DCC: variants seen among roughly 807,000 people sequenced by gnomAD.
DCC encodes DCC netrin 1 receptor, also known as netrin receptor DCC.
DCC carries 58 observed loss-of-function variants against 172.5 expected under a neutral mutation model. That is an observed-to-expected ratio of 0.34 (90% CI 0.27 to 0.42). The LOEUF (loss-of-function observed/expected upper bound fraction) is 0.42, where lower values mean the gene tolerates loss of function less well. DCC is among the 10% of genes least tolerant of loss of function. DCC has a pLI of 1.00. For missense variants in DCC, 1,740 were observed against 1,791.0 expected (o/e 0.97, Z 0.51); for synonymous variants, 709 against 644.5 (o/e 1.10, Z -1.52).
intron 1 of DCC, among the ~76,000 whole-genome samples, chr18:52,403,392 G>A (rs1986514158): frequency 6.6e-6 from 1 of 151,962 alleles, no homozygotes; most frequent in Admixed American, 6.6e-5. Context: ...CACTGCCCCT[G>A]TCATTCAGAA....
At chr18:52,963,092 A>G (rs1237461990) in intron 5 of DCC, among the ~76,000 whole-genome samples, 3 of 148,008 alleles carry the variant, frequency 2.0e-5, no homozygotes, top group Non-Finnish European at 4.4e-5. Flanking sequence ...CCTAAAACTT[A>G]AATTATAATT....
At chr18:52,480,773 T>C (rs1463889359) in intron 1 of DCC, among the ~76,000 whole-genome samples, 1 of 152,192 alleles carries the variant, frequency 6.6e-6, no homozygotes, top group African/African-American at 2.4e-5. Context: ...AATAATTTAA[T>C]CTTATTTGGA....
rs147591316 is a variant in DCC at position 52,711,059 on chromosome 18, C to A, written c.92-40995C>A. 2.2e-3 allele frequency among the ~76,000 whole-genome samples: 328 copies of A among 152,214 alleles called. 3 individuals carry two copies. The East Asian group carries it at 0.029, about 13-fold the overall frequency. On this transcript the variant is annotated intron_variant, in intron 1 of 28. Coordinates refer to ENST00000442544, the MANE Select transcript of DCC (RefSeq NM_005215.4). Reference sequence around the variant, plus strand: ...TATCCGGCTGATGAGCACATGAAAGCCAAAGAGTTGATTGTATGACTATCT... The same window carrying A: ...TATCCGGCTGATGAGCACATGAAAGACAAAGAGTTGATTGTATGACTATCT...
At chr18:52,709,755 G>A (rs893097273) in intron 1 of DCC, among the ~76,000 whole-genome samples, 2 of 152,162 alleles carry the variant, frequency 1.3e-5, no homozygotes, top group Admixed American at 6.6e-5. Flanking sequence ...TTTAAAAATG[G>A]ACTTCGAAAC....
chr18:53,459,146 T>C (rs1599173109), intron 23 of DCC, 86 bp from the exon 24 acceptor site: 1 of 1,122,130 alleles, frequency 8.9e-7, no homozygotes, highest in Non-Finnish European at 1.3e-6. Context: ...TTTCCTTTCC[T>C]GCTTCTAACT....
chr18:52,686,268 T>C (rs1464467262), intron 1 of DCC, among the ~76,000 whole-genome samples: 1 of 152,176 alleles, frequency 6.6e-6, no homozygotes, highest in Non-Finnish European at 1.5e-5. Context: ...CCACATATCA[T>C]TGTGGCTACA....
chr18:52,689,542 C>G (rs1442749464), intron 1 of DCC, among the ~76,000 whole-genome samples: 3 of 151,974 alleles, frequency 2.0e-5, no homozygotes, highest in African/African-American at 7.3e-5. Context: ...GGCTAGGGAC[C>G]CTATGCTTCT....
intron 18 of DCC, among the ~76,000 whole-genome samples, chr18:53,402,401 AAAATAAAT>A (rs1328352289): frequency 5.5e-5 from 8 of 144,700 alleles, no homozygotes; most frequent in African/African-American, 1.8e-4. Flanking sequence ...AAAAAAAAAA[AAAATAAAT>A]AAATAAATAA....
At position 53,243,297 on chromosome 18, in the gene DCC, G is replaced by C. The variant is rs954616033; in HGVS notation, c.1911+27700G>C. Among the ~76,000 whole-genome samples the C allele has an allele frequency of 3.3e-5, 5 of 152,112 alleles. No individual in the cohort carries two copies. In the East Asian group the frequency reaches 9.7e-4, roughly 29 times the overall value. ...TAAAGAAGAAGAATCATGTAGCACA[G>C]CTGGGAAGACACTTCAAAAGTGACC... On this transcript the variant is annotated intron_variant, in intron 12 of 28. Transcript: ENST00000442544.
chr18:53,273,099 G>C (rs1280135113), intron 12 of DCC, among the ~76,000 whole-genome samples: 1 of 152,162 alleles, frequency 6.6e-6, no homozygotes, highest in African/African-American at 2.4e-5. Flanking sequence ...TTCAAGAGCA[G>C]TAAGATCAGC....
rs2045396435 is a variant in DCC, at chr18:53,450,542, C to T, written c.3272C>T (p.Thr1091Ile). The stretch of plus-strand genomic sequence containing the variant: ...ATGCACCCCCCGCATGGCAGTGTCA[C>T]TCCTCAGAAGAACAGCAACCTGCTT... ...GQMHPPHGSV[T>I]PQKNSNLLVI... Residue 1091 changes from threonine (T) to isoleucine (I), a missense_variant, in exon 23 of 29, where the codon ACT (threonine) becomes ATT (isoleucine). Transcript: ENST00000442544. 1.2e-6 allele frequency: 2 copies of T among 1,613,990 alleles called. No homozygotes were observed. Among genetic ancestry groups the T allele is most frequent in the African/African-American group, 2.7e-5 (2 of 74,898 alleles).
chr18:53,307,891 G>A (rs8095435), intron 13 of DCC, among the ~76,000 whole-genome samples: 7 of 47,986 alleles, frequency 1.5e-4, no homozygotes, highest in African/African-American at 3.2e-4. Context: ...AGCAATGTGT[G>A]TGTATGTATA....
At chr18:53,099,174 A>C (rs542567119) in intron 7 of DCC, among the ~76,000 whole-genome samples, 2 of 152,026 alleles carry the variant, frequency 1.3e-5, no homozygotes, top group South Asian at 4.2e-4. Flanking sequence ...GTAAGTTTCA[A>C]CTCCTATAGT....
chr18:52,543,315 A>G (rs886610003), intron 1 of DCC, among the ~76,000 whole-genome samples: 1 of 152,192 alleles, frequency 6.6e-6, no homozygotes, highest in South Asian at 2.1e-4. Flanking sequence ...ATAATTATTA[A>G]TAAGAAGTTT....
chr18:53,342,064 C>G (rs576286432), intron 15 of DCC, among the ~76,000 whole-genome samples: 1 of 152,070 alleles, frequency 6.6e-6, no homozygotes, highest in African/African-American at 2.4e-5. Flanking sequence ...GCCATAACTT[C>G]AAGTATCATG....
At chr18:53,518,446 A>G (rs2046363359) in intron 27 of DCC, among the ~76,000 whole-genome samples, 1 of 152,130 alleles carries the variant, frequency 6.6e-6, no homozygotes, top group Non-Finnish European at 1.5e-5. Flanking sequence ...CCTTCTGCAG[A>G]GAGATGCTAG....
At chr18:52,492,081 C>A (rs906827942) in intron 1 of DCC, among the ~76,000 whole-genome samples, 3 of 151,866 alleles carry the variant, frequency 2.0e-5, no homozygotes, top group Non-Finnish European at 4.4e-5. Context: ...TCGTTTACTT[C>A]AAGGGGGGAA....
Position 53,221,732 on chromosome 18 carries a change from AAC to A in DCC, c.1911+6137_1911+6138del, listed in dbSNP as rs142234037. Among the ~76,000 whole-genome samples, 167 of 152,312 alleles carry A rather than the reference AAC, an allele frequency of 1.1e-3. 2 individuals are homozygous for A. In the East Asian group the frequency reaches 0.015, roughly 14 times the overall value. ...TTTGCTTCATTTAATTGAGAAATAA[AAC>A]AGTTTTCCATTTTTAGATCCCCTTT... On this transcript the variant is annotated intron_variant, in intron 12 of 28. Transcript: ENST00000442544.
intron 15 of DCC, among the ~76,000 whole-genome samples, chr18:53,354,224 C>T (rs1440638767): frequency 3.3e-5 from 5 of 152,160 alleles, no homozygotes; most frequent in African/African-American, 9.7e-5. Flanking sequence ...AATAAACATA[C>T]GTGTGCATGT....
Sources: allele counts gnomAD v4.1 joint callset (sites outside exome capture counted in the v4.1 genomes callset), GRCh38; gene constraint gnomAD v4.1.1; transcripts MANE v1.5; gene names NCBI Gene and HGNC (gene_info 2026-07-23, HGNC 2026-07-21).